MSRA: variants seen among roughly 807,000 people sequenced by gnomAD.
MSRA encodes the protein methionine sulfoxide reductase A, also known as mitochondrial peptide methionine sulfoxide reductase.
MSRA carries 54 observed loss-of-function variants against 31.3 expected under a neutral mutation model. That is an observed-to-expected ratio of 1.73 (90% CI 1.39 to 2.17). The LOEUF (loss-of-function observed/expected upper bound fraction) is 2.17. MSRA is among the 30% of genes most tolerant of loss of function. The pLI is 0.00. For missense variants in MSRA, 507 were observed against 300.9 expected (o/e 1.69, Z -5.07); for synonymous variants, 169 against 116.5 (o/e 1.45, Z -2.90).
chr8:10,093,137 G>A (rs994575131), intron 1 of MSRA, among the ~76,000 whole-genome samples: 72 of 152,090 alleles, frequency 4.7e-4, no homozygotes, highest in African/African-American at 1.6e-3. Flanking sequence ...ATTTTAATCC[G>A]TTCTGCCAAT....
intron 1 of MSRA, among the ~76,000 whole-genome samples, chr8:10,176,824 C>G (rs1271605189): frequency 3.9e-5 from 6 of 152,322 alleles, no homozygotes; most frequent in Non-Finnish European, 5.9e-5. Flanking sequence ...AGAAGTGTTA[C>G]AACTGGAACT....
At position 10,353,477 on chromosome 8, in the gene MSRA, G is replaced by C. The variant is rs1804316542; in HGVS notation, c.543+33488G>C. ...TTCGGCATCCGTGAGTCCTGTATTT[G>C]GTACCGGAGGCCCGGAGGCCCGTGT... is the stretch of plus-strand genomic sequence containing the variant. On this transcript the variant is annotated intron_variant, in intron 5 of 5. Coordinates refer to ENST00000317173, the MANE Select transcript of MSRA (RefSeq NM_012331.5). 3 of 307,148 alleles carry C rather than the reference G, an allele frequency of 9.8e-6. No individual in the cohort carries two copies. In the African/African-American group the frequency reaches 1.8e-4, roughly 18 times the overall value. The allele number at this position is 307,148 out of a possible 1,614,324, so 19.0% of individuals were successfully genotyped here.
intron 4 of MSRA, among the ~76,000 whole-genome samples, chr8:10,315,331 T>G (rs7014570): frequency 0.14 from 21,961 of 152,048 alleles, 1,927 homozygotes; most frequent in African/African-American, 0.24. Flanking sequence ...AAAAACCAGG[T>G]GTGGTACAAC....
chr8:10,122,226 G>A (rs1005342047), intron 1 of MSRA, among the ~76,000 whole-genome samples: 3 of 152,080 alleles, frequency 2.0e-5, no homozygotes, highest in Non-Finnish European at 4.4e-5. Flanking sequence ...GCATCCTAAG[G>A]GCTGAGGTGG....
chr8:10,315,988 A>T (rs763205476), intron 4 of MSRA, among the ~76,000 whole-genome samples: 44 of 152,246 alleles, frequency 2.9e-4, no homozygotes, highest in Non-Finnish European at 5.9e-4. Flanking sequence ...TTATGACTAT[A>T]GAAGTAATGT....
intron 3 of MSRA, among the ~76,000 whole-genome samples, chr8:10,267,764 A>G (rs1202832194): frequency 6.6e-6 from 1 of 152,164 alleles, no homozygotes; most frequent in African/African-American, 2.4e-5. Context: ...GGGGAAGAGT[A>G]TCCTTCTGGT....
At chr8:10,220,929 G>A (rs185316467) in intron 2 of MSRA, among the ~76,000 whole-genome samples, 1 of 152,326 alleles carries the variant, frequency 6.6e-6, no homozygotes, top group East Asian at 1.9e-4. Context: ...AGCAGGAAGT[G>A]ACAGCTACCT....
At chr8:10,126,436 C>T (rs1462214263) in intron 1 of MSRA, among the ~76,000 whole-genome samples, 1 of 152,196 alleles carries the variant, frequency 6.6e-6, no homozygotes, top group Non-Finnish European at 1.5e-5. Context: ...AGTTTTTCCA[C>T]AGACTGGGGG....
chr8:10,426,589 A>G (rs1191573620), intron 5 of MSRA, among the ~76,000 whole-genome samples: 1 of 152,194 alleles, frequency 6.6e-6, no homozygotes, highest in Non-Finnish European at 1.5e-5. Context: ...TGATTGGTGG[A>G]ATCTGAAGCA....
At chr8:10,267,074 C>A (rs1015370428) in intron 3 of MSRA, among the ~76,000 whole-genome samples, 10 of 152,138 alleles carry the variant, frequency 6.6e-5, no homozygotes, top group Non-Finnish European at 1.0e-4. Context: ...ATTCCTCTTC[C>A]CCCTTTAATG....
intron 1 of MSRA, among the ~76,000 whole-genome samples, chr8:10,134,575 C>T (rs1010378950): frequency 1.1e-4 from 17 of 152,230 alleles, no homozygotes; most frequent in South Asian, 4.1e-4. Flanking sequence ...ATTCATCCTG[C>T]GGCACAGGCT....
At chr8:10,356,534 C>G (rs1804517674) in intron 5 of MSRA, among the ~76,000 whole-genome samples, 1 of 152,184 alleles carries the variant, frequency 6.6e-6, no homozygotes, top group Non-Finnish European at 1.5e-5. Context: ...AATGCTATGT[C>G]CCACTCAAAT....
intron 4 of MSRA, 30 bp from the exon 5 acceptor site, chr8:10,319,853 G>C (rs768935595): frequency 5.7e-6 from 8 of 1,411,292 alleles, no homozygotes; most frequent in Non-Finnish European, 7.6e-6. Context: ...CTAGTGACCG[G>C]GTAACCCTCC....
intron 1 of MSRA, among the ~76,000 whole-genome samples, chr8:10,123,061 C>T (rs1204315746): frequency 6.6e-6 from 1 of 152,204 alleles, no homozygotes; most frequent in Non-Finnish European, 1.5e-5. Context: ...AATGGGACTG[C>T]TCTGTCAAAT....
chr8:10,219,729 C>G (rs1423377605), intron 2 of MSRA, among the ~76,000 whole-genome samples: 3 of 137,992 alleles, frequency 2.2e-5, no homozygotes, highest in Non-Finnish European at 4.5e-5. Context: ...TGGGGTGAAC[C>G]CGGGAGGCAC....
At chr8:10,164,836 T>A (rs1174666196) in intron 1 of MSRA, among the ~76,000 whole-genome samples, 3 of 152,174 alleles carry the variant, frequency 2.0e-5, no homozygotes, top group Non-Finnish European at 2.9e-5. Flanking sequence ...GAGACCAGCC[T>A]GACCAACATA....
intron 5 of MSRA, among the ~76,000 whole-genome samples, chr8:10,349,553 G>C (rs923473696): frequency 6.6e-6 from 1 of 152,144 alleles, no homozygotes; most frequent in Non-Finnish European, 1.5e-5. Context: ...TCATGACCTT[G>C]AACGTCCCTT....
At chr8:10,395,154 G>A (rs1807017500) in intron 5 of MSRA, among the ~76,000 whole-genome samples, 1 of 152,186 alleles carries the variant, frequency 6.6e-6, no homozygotes. Flanking sequence ...CCTAGCTTTT[G>A]GTGGCCGGGG....
intron 2 of MSRA, among the ~76,000 whole-genome samples, chr8:10,219,806 C>CAAAAAAAA (rs59393980): frequency 0.033 from 1,880 of 56,836 alleles, 261 homozygotes; most frequent in African/African-American, 0.084. Flanking sequence ...ACTCTGTCTC[C>CAAAAAAAA]AAAAAAAAAA....
Sources: gnomAD v4.1 joint callset for allele counts (sites outside exome capture counted in the v4.1 genomes callset) on GRCh38, gnomAD v4.1.1 for gene constraint, MANE v1.5 for transcripts, NCBI Gene and HGNC (gene_info 2026-07-23, HGNC 2026-07-21) for gene names.